The following MME variants were observed in gnomAD, a reference collection of about 807,000 sequenced individuals.
The protein encoded by MME is neprilysin.
A neutral mutation model predicts 113.2 loss-of-function variants in MME; 98 were observed. That is an observed-to-expected ratio of 0.87 (90% CI 0.74 to 1.02). MME has a LOEUF of 1.02. Ranked by LOEUF, MME falls within the 50% of genes least tolerant of loss-of-function variation. The probability of loss-of-function intolerance (pLI) is 0.00; values close to 1 mark genes in which losing one functional copy is unlikely to be tolerated. For missense variants in MME, 836 were observed against 896.0 expected (o/e 0.93, Z 0.86); for synonymous variants, 292 against 300.6 (o/e 0.97, Z 0.30).
intron 2 of MME, among the ~76,000 whole-genome samples, chr3:155,084,678 T>TC (rs1241845678): frequency 5.9e-5 from 9 of 152,166 alleles, no homozygotes; most frequent in African/African-American, 1.9e-4. Flanking sequence ...CTAAACGGCT[T>TC]CACAGGAATT....
At chr3:155,107,427 T>C (rs1278478489) in intron 3 of MME, among the ~76,000 whole-genome samples, 2 of 152,074 alleles carry the variant, frequency 1.3e-5, no homozygotes, top group African/African-American at 4.8e-5. Context: ...GTGGTATGTA[T>C]GTTGTAAATA....
chr3:155,041,960 A>T (rs984127362), intron 1 of MME, among the ~76,000 whole-genome samples: 10 of 152,210 alleles, frequency 6.6e-5, no homozygotes, highest in African/African-American at 9.6e-5. Flanking sequence ...AATATTTCTA[A>T]GCTTTTATTG....
chr3:155,093,623 C>T (rs138387001), intron 3 of MME, among the ~76,000 whole-genome samples: 3,466 of 152,062 alleles, frequency 0.023, 130 homozygotes, highest in African/African-American at 0.079. Flanking sequence ...TTTGGGAGGC[C>T]GAGGCAGGTG....
intron 8 of MME, among the ~76,000 whole-genome samples, chr3:155,126,051 A>G (rs1719624128): frequency 6.6e-6 from 1 of 152,192 alleles, no homozygotes; most frequent in South Asian, 2.1e-4. Context: ...ATCTTTTTGA[A>G]TGACTACACA....
At chr3:155,024,356 T>C (rs1411448009) in intron 1 of MME, 1 of 152,202 alleles carries the variant, frequency 6.6e-6, no homozygotes, top group Non-Finnish European at 1.5e-5. Context: ...TTTAAATTTA[T>C]TACTAACTGC....
At chr3:155,144,708 T>C (rs1244453452) in intron 14 of MME, among the ~76,000 whole-genome samples, 2 of 152,162 alleles carry the variant, frequency 1.3e-5, no homozygotes, top group Non-Finnish European at 2.9e-5. Flanking sequence ...TGTAAGGTGG[T>C]GCACTATTGG....
chr3:155,080,752 A>G (rs979961860), intron 1 of MME, among the ~76,000 whole-genome samples: 2 of 152,124 alleles, frequency 1.3e-5, no homozygotes, highest in African/African-American at 2.4e-5. Flanking sequence ...TAGCTTCTCG[A>G]TCAAGTCGAT....
chr3:155,149,149 C>T (rs1205280376), intron 16 of MME, among the ~76,000 whole-genome samples: 1 of 152,196 alleles, frequency 6.6e-6, no homozygotes, highest in Admixed American at 6.5e-5. Context: ...TTCTTATTCA[C>T]AGTCTTCTTA....
chr3:155,145,008 T>A (rs1230973845), intron 14 of MME, among the ~76,000 whole-genome samples: 3 of 152,190 alleles, frequency 2.0e-5, no homozygotes, highest in African/African-American at 7.2e-5. Context: ...AGCAGACGAT[T>A]TGGATTGATA....
rs1188010054 is a variant in MME, at chr3:155,180,513, G to A, written c.*54G>A. On this transcript the variant is annotated 3_prime_UTR_variant, in exon 23 of 23. Coordinates refer to ENST00000360490, the MANE Select transcript of MME (RefSeq NM_007289.4). The stretch of plus-strand genomic sequence containing the variant: ...CTAGACTTGCCAACACCACAGAAAT[G>A]GGGAATTCTCTAATCGAAAGAAAAT... 2 of 1,386,364 alleles carry A rather than the reference G, an allele frequency of 1.4e-6. No homozygotes were observed. Among genetic ancestry groups the A allele is most frequent in the East Asian group, 2.3e-5 (1 of 43,556 alleles). The allele number at this position is 1,386,364 out of a possible 1,614,324, so 85.9% of individuals were successfully genotyped here. A position where few individuals can be genotyped will look rare whatever the true frequency, so the allele number is the denominator to read the frequency against.
upstream of MME, among the ~76,000 whole-genome samples, chr3:155,076,212 A>G (rs1187162629): frequency 6.6e-6 from 1 of 152,242 alleles, no homozygotes; most frequent in East Asian, 1.9e-4. Flanking sequence ...GAATTCTTAC[A>G]GAAAGTTTTT....
intron 3 of MME, among the ~76,000 whole-genome samples, chr3:155,102,168 C>T (rs1717300990): frequency 6.6e-6 from 1 of 152,066 alleles, no homozygotes. Flanking sequence ...AAGCTAGTAT[C>T]AGAATGTTTT....
chr3:155,029,170 G>A (rs1458587292), intron 1 of MME, among the ~76,000 whole-genome samples: 3 of 151,954 alleles, frequency 2.0e-5, no homozygotes, highest in African/African-American at 7.2e-5. Context: ...ACTATTTCTT[G>A]TTAATACTAC....
intron 15 of MME, 106 bp from the exon 16 acceptor site, chr3:155,148,444 T>C: frequency 1.3e-6 from 1 of 759,388 alleles, no homozygotes; most frequent in East Asian, 2.6e-5. Context: ...AATGCTCTCT[T>C]TTAACTTTAT....
chr3:155,116,358 G>C, intron 4 of MME, 121 bp from the exon 5 acceptor site: 1 of 777,366 alleles, frequency 1.3e-6, no homozygotes. Flanking sequence ...CTCCAGAAAA[G>C]CAAGGTTTTT....
At chr3:155,149,837 C>T (rs1721793526) in intron 16 of MME, among the ~76,000 whole-genome samples, 1 of 152,166 alleles carries the variant, frequency 6.6e-6, no homozygotes. Flanking sequence ...GAGAGAGCAA[C>T]TCTTTTGCTG....
chr3:155,062,917 T>C (rs1018483935), intron 1 of MME, among the ~76,000 whole-genome samples: 1 of 148,984 alleles, frequency 6.7e-6, no homozygotes. Context: ...ATGCCTGTAA[T>C]CCCAGCTACT....
chr3:155,079,443 A>G (rs1206953876), upstream of MME, among the ~76,000 whole-genome samples: 1 of 152,066 alleles, frequency 6.6e-6, no homozygotes, highest in African/African-American at 2.4e-5. Context: ...TGTTTAGCAA[A>G]GCCCTTTTGG....
chr3:155,033,782 A>T (rs1159314589), intron 1 of MME, among the ~76,000 whole-genome samples: 1 of 152,096 alleles, frequency 6.6e-6, no homozygotes. Flanking sequence ...TACAATGAAC[A>T]GATATACCTA....
Sources: gnomAD v4.1 joint callset for allele counts (sites outside exome capture counted in the v4.1 genomes callset) on GRCh38, gnomAD v4.1.1 for gene constraint, MANE v1.5 for transcripts, NCBI Gene and HGNC (gene_info 2026-07-23, HGNC 2026-07-21) for gene names.